Variants in SPDYE2 observed in about 807,000 individuals in gnomAD.
The protein encoded by SPDYE2 is speedy/RINGO cell cycle regulator family member E2, also known as speedy protein E2.
For synonymous variants in SPDYE2, 2 were observed against 45.1 expected (o/e 0.04, Z 3.83); for missense variants, 1 against 121.0 (o/e 0.01, Z 4.65).
exon 9 of SPDYE2, chr7:102,562,912 T>C (rs1207275353): frequency 7.0e-6 from 1 of 143,016 alleles, no homozygotes; most frequent in African/African-American, 2.5e-5. Flanking sequence ...CAGATATATA[T>C]ACTAACACGT....
chr7:102,564,641 T>A (rs1393910806), downstream of SPDYE2: 2 of 152,166 alleles, frequency 1.3e-5, no homozygotes, highest in African/African-American at 4.8e-5. Flanking sequence ...ATTGCTGGGA[T>A]TATAAGCATG....
downstream of SPDYE2, chr7:102,564,042 G>A (rs1800966042): frequency 9.5e-6 from 1 of 104,804 alleles, no homozygotes; most frequent in African/African-American, 3.1e-5. Flanking sequence ...TAGAGACAAG[G>A]TTTCACCATG....
At chr7:102,564,029 T>C (rs1358179066), downstream of SPDYE2, 1 of 94,718 alleles carries the variant, frequency 1.1e-5, no homozygotes, top group East Asian at 2.6e-4. Flanking sequence ...TTTGTAAAAA[T>C]AGTAGAGACA....
intron 3 of SPDYE2, 93 bp downstream of exon 3, chr7:102,554,670 C>G: frequency 1.3e-6 from 2 of 1,549,620 alleles, no homozygotes; most frequent in East Asian, 2.4e-5. Flanking sequence ...GAAAGATACG[C>G]CCCCAGTGGC....
chr7:102,563,038 A>T (rs1800934295), exon 9 of SPDYE2: 1 of 149,206 alleles, frequency 6.7e-6, no homozygotes, highest in South Asian at 2.1e-4. Flanking sequence ...TTTAAATATT[A>T]TTATTACTTT....
intron 2 of SPDYE2, 195 bp from the exon 3 acceptor site, chr7:102,554,164 G>T (rs1800674522): frequency 1.0e-6 from 1 of 985,504 alleles, no homozygotes; most frequent in African/African-American, 1.7e-5. Flanking sequence ...GTGTTCGGAG[G>T]ACAGAGAGAG....
At chr7:102,563,097 C>T (rs1800937805) in exon 9 of SPDYE2, 1 of 148,052 alleles carries the variant, frequency 6.8e-6, no homozygotes, top group African/African-American at 2.4e-5. Context: ...TGAATAGATG[C>T]TGTTTCTATA....
At chr7:102,564,422 CAAAAAA>C (rs1224346476), downstream of SPDYE2, 1 of 103,620 alleles carries the variant, frequency 9.7e-6, no homozygotes, top group Non-Finnish European at 2.2e-5. Flanking sequence ...CACCCCCTCT[CAAAAAA>C]AAAAAAAAAA....
exon 9 of SPDYE2, chr7:102,563,369 G>T (rs1800952200): frequency 1.1e-5 from 1 of 94,032 alleles, no homozygotes; most frequent in African/African-American, 3.9e-5. Context: ...TGAAATGTGA[G>T]AATTCAGATG....
intron 3 of SPDYE2, among the ~76,000 whole-genome samples, chr7:102,555,041 G>C (rs1403290611): frequency 7.3e-6 from 1 of 137,606 alleles, no homozygotes; most frequent in Non-Finnish European, 1.6e-5. Flanking sequence ...TCAGTTGTTC[G>C]AGACCAACCA....
At chr7:102,560,006 G>A (rs1398764731) in intron 6 of SPDYE2, among the ~76,000 whole-genome samples, 11 of 32,182 alleles carry the variant, frequency 3.4e-4, no homozygotes, top group African/African-American at 7.8e-4. Context: ...GAATGGAGTG[G>A]CCCAATCTCA....
Position 102,557,379 on chromosome 7 carries a change from G to A in SPDYE2, c.669+157G>A, listed in dbSNP as rs1210095524. ...TGTGTGTGTGTGTGTGTGTGTGTGTGTGAGACAGAGTCTTGCTCTGTTGCC... is the reference window on the plus strand; with the variant it reads ...TGTGTGTGTGTGTGTGTGTGTGTGTATGAGACAGAGTCTTGCTCTGTTGCC... On this transcript the variant is annotated intron_variant, in intron 5 of 8. Transcript: ENST00000507918. 3.0e-5 allele frequency among the ~76,000 whole-genome samples: 4 copies of A among 135,434 alleles called. No homozygotes were observed. In the Admixed American group the frequency reaches 3.1e-4, roughly 10 times the overall value. 88.8% of individuals were successfully genotyped at this position (135,434 alleles called of 152,430 possible).
rs200062898 is a variant in SPDYE2, at chr7:102,554,774, G to A, written c.379+197G>A. 2.0e-4 allele frequency among the ~76,000 whole-genome samples: 26 copies of A among 127,706 alleles called. 1 individual carries two copies. Among genetic ancestry groups the A allele is most frequent in the East Asian group, 2.0e-3 (9 of 4,464 alleles). 83.8% of individuals were successfully genotyped at this position (127,706 alleles called of 152,430 possible). A position where few individuals can be genotyped will look rare whatever the true frequency, so the allele number is the denominator to read the frequency against. ...TAGGCTAGACTTGATAAAGGTTGGC[G>A]CTTGGGATGAGAAAGCTTGGTTTCG... On this transcript the variant is annotated intron_variant, in intron 3 of 8. Transcript: ENST00000507918.
rs1320559146 is a variant in SPDYE2 at position 102,551,645 on chromosome 7, GTTCT to G, written c.-422+364_-422+367del. ...AAAACGTGTGGGAACTCACTCGCAG[GTTCT>G]TTATTTTTTTTGAGATGGAGTTTTG... On this transcript the variant is annotated intron_variant, in intron 1 of 8. Transcript: ENST00000507918. Among the ~76,000 whole-genome samples, 16 of 74,068 alleles carry G rather than the reference GTTCT, an allele frequency of 2.2e-4. No individual in the cohort carries two copies. In the South Asian group the frequency reaches 2.7e-3, roughly 13 times the overall value. 48.6% of individuals were successfully genotyped at this position (74,068 alleles called of 152,430 possible).
At chr7:102,557,707 T>G (rs1800845277) in intron 5 of SPDYE2, among the ~76,000 whole-genome samples, 1 of 61,000 alleles carries the variant, frequency 1.6e-5, no homozygotes, top group African/African-American at 5.8e-5. Context: ...TTTTTTTTTG[T>G]GAGACAGAGT....
chr7:102,555,633 CAA>C (rs1203194591), intron 3 of SPDYE2, among the ~76,000 whole-genome samples: 6 of 39,074 alleles, frequency 1.5e-4, no homozygotes, highest in Admixed American at 1.0e-3. Context: ...ACAACAACAA[CAA>C]AAAAAAAAAA....
intron 3 of SPDYE2, among the ~76,000 whole-genome samples, chr7:102,555,637 A>AC (rs1800773554): frequency 2.3e-5 from 2 of 88,862 alleles, no homozygotes; most frequent in African/African-American, 3.8e-5. Context: ...CAACAACAAA[A>AC]AAAAAAAAAA....
chr7:102,564,559 T>A (rs1800990721), downstream of SPDYE2: 2 of 147,254 alleles, frequency 1.4e-5, no homozygotes, highest in African/African-American at 4.9e-5. Flanking sequence ...CAGACTGGGG[T>A]GCAGTGGTGT....
At chr7:102,557,347 T>TGTGTG in intron 5 of SPDYE2, 125 bp downstream of exon 5, 1 of 829,450 alleles carries the variant, frequency 1.2e-6, no homozygotes, top group Non-Finnish European at 1.7e-6. Flanking sequence ...TTTTTTTTTT[T>TGTGTG]TTTTTGTGTG....
Sources: gnomAD v4.1 joint callset for allele counts (sites outside exome capture counted in the v4.1 genomes callset) on GRCh38, gnomAD v4.1.1 for gene constraint, MANE v1.5 for transcripts, NCBI Gene and HGNC (gene_info 2026-07-23, HGNC 2026-07-21) for gene names.